Variants in RPS6KA6 observed in about 807,000 individuals in gnomAD.
The protein encoded by RPS6KA6 is ribosomal protein S6 kinase A6.
In RPS6KA6, 27 loss-of-function variants were observed where a neutral mutation model predicts 65.4. That is an observed-to-expected ratio of 0.41 (90% CI 0.30 to 0.57). The LOEUF (loss-of-function observed/expected upper bound fraction) is 0.57, where lower values mean the gene tolerates loss of function less well. Among genes scored for constraint, RPS6KA6 ranks in the 20% least tolerant of loss-of-function variants. RPS6KA6 has a pLI of 0.24. For missense variants in RPS6KA6, 486 were observed against 555.6 expected, an observed-to-expected ratio of 0.87 and a Z score of 1.26; for synonymous variants, 190 against 184.2, an observed-to-expected ratio of 1.03 and a Z score of -0.26.
At chrX:84,162,761 C>A (rs1226106347) in intron 2 of RPS6KA6, among the ~76,000 whole-genome samples, 2 of 111,735 alleles carry the variant, frequency 1.8e-5, no homozygotes, top group Non-Finnish European at 3.8e-5. Flanking sequence ...TTAATAGTTC[C>A]TTATACTCCT....
chrX:84,094,787 A>G (rs1012773642), intron 20 of RPS6KA6, among the ~76,000 whole-genome samples: 3 of 112,364 alleles, frequency 2.7e-5, no homozygotes, highest in African/African-American at 9.7e-5. Context: ...GGAACTGTCA[A>G]CAGCCTGATC....
At chrX:84,089,866 G>T (rs1330718966) in intron 20 of RPS6KA6, among the ~76,000 whole-genome samples, 2 of 112,180 alleles carry the variant, frequency 1.8e-5, no homozygotes, top group African/African-American at 6.5e-5. Flanking sequence ...CTCCATGAAA[G>T]CTGTGGACTG....
intron 2 of RPS6KA6, among the ~76,000 whole-genome samples, chrX:84,157,635 T>C (rs2035439092): frequency 9.0e-6 from 1 of 110,869 alleles, no homozygotes. Context: ...AGGGGTTTTG[T>C]TAGATGGGTC....
rs1327373785 is a variant in RPS6KA6 at position 84,156,087 on chromosome X, C to T, written c.246G>A (p.Gly82=). 5 of 1,165,793 alleles carry T rather than the reference C, an allele frequency of 4.3e-6. No homozygotes were observed. In the Admixed American group the frequency reaches 6.6e-5, roughly 15 times the overall value. Residue 82 remains glycine (G), a synonymous_variant, in exon 3 of 22, where the codon GGG becomes GGA. Coordinates refer to ENST00000262752, the MANE Select transcript of RPS6KA6 (RefSeq NM_014496.5). ...AATTATTCATTACCTTTCCAAATGA[C>T]CCCTGACCAAGAACCTTGAGCAACT... is the stretch of plus-strand genomic sequence containing the variant. ...QFELLKVLGQ[G]SFGKVFLVRK... is the part of the protein sequence containing the mutation.
chrX:84,087,742 G>C (rs1183304410), intron 20 of RPS6KA6, among the ~76,000 whole-genome samples: 2 of 111,825 alleles, frequency 1.8e-5, no homozygotes, highest in Non-Finnish European at 3.8e-5. Context: ...ATAATATCCT[G>C]AAGTGTGTTT....
intron 20 of RPS6KA6, among the ~76,000 whole-genome samples, chrX:84,093,749 G>C (rs2034095211): frequency 9.0e-6 from 1 of 111,613 alleles, no homozygotes; most frequent in Non-Finnish European, 1.9e-5. Context: ...GTTTTATTCT[G>C]CTAATTCCAT....
chrX:84,183,437 C>T (rs937048625), intron 1 of RPS6KA6, among the ~76,000 whole-genome samples: 4 of 111,420 alleles, frequency 3.6e-5, no homozygotes, highest in Non-Finnish European at 5.7e-5. Context: ...CCCCATTCCT[C>T]ACTACCGTCA....
In RPS6KA6 at chrX:84,079,127, T is replaced by C. The variant is rs184139329; in HGVS notation, c.1972-14016A>G. On this transcript the variant is annotated intron_variant, in intron 20 of 21. Coordinates refer to ENST00000262752, the MANE Select transcript of RPS6KA6 (RefSeq NM_014496.5). The stretch of plus-strand genomic sequence containing the variant: ...ACTGAGGTACCCGTAGTTGATCTCA[T>C]TGGGACTGGTTAGACAGTGGGTACA... 2.5e-3 allele frequency among the ~76,000 whole-genome samples: 279 copies of C among 110,904 alleles called. 1 individual carries two copies. Among genetic ancestry groups the C allele is most frequent in the Middle Eastern group, 9.3e-3 (2 of 215 alleles).
At chrX:84,179,028 G>T (rs187688083) in intron 1 of RPS6KA6, among the ~76,000 whole-genome samples, 62 of 111,322 alleles carry the variant, frequency 5.6e-4, no homozygotes, top group Non-Finnish European at 7.7e-4. Context: ...TCTAATAAAG[G>T]ACTTGCATTT....
At chrX:84,128,302 A>G (rs1602436749) in intron 8 of RPS6KA6, among the ~76,000 whole-genome samples, 1 of 111,821 alleles carries the variant, frequency 8.9e-6, no homozygotes, top group African/African-American at 3.2e-5. Context: ...TGATAAAAAG[A>G]AATTAAAGAC....
intron 12 of RPS6KA6, among the ~76,000 whole-genome samples, chrX:84,113,290 G>T (rs943482369): frequency 1.3e-4 from 14 of 111,455 alleles, no homozygotes; most frequent in African/African-American, 4.2e-4. Flanking sequence ...TGAGGAGTTG[G>T]GAATCCTTCC....
intron 1 of RPS6KA6, among the ~76,000 whole-genome samples, chrX:84,181,105 T>A (rs1387316051): frequency 8.9e-6 from 1 of 111,766 alleles, no homozygotes; most frequent in East Asian, 2.8e-4. Context: ...GGTTAAAAAA[T>A]TTGTATTGGG....
At chrX:84,144,320 C>G (rs1025499180) in intron 6 of RPS6KA6, among the ~76,000 whole-genome samples, 1 of 108,429 alleles carries the variant, frequency 9.2e-6, no homozygotes, top group African/African-American at 3.3e-5. Context: ...GAAGAACTCT[C>G]AAAACTCAAT....
chrX:84,187,834 G>A lies in RPS6KA6; in HGVS notation c.66C>T (p.Gly22=). 8.3e-7 allele frequency: 1 copy of A among 1,203,526 alleles called. No homozygotes were observed. The highest frequency in any genetic ancestry group is 1.1e-6 in the Non-Finnish European group (1 of 891,506). The part of the protein sequence containing the change: ...DREMEVFSGG[G]ASSGEVNGLK... Reference sequence around the variant, plus strand: ...CCACACTAACCTCGCCGCTGCTCGCGCCGCCGCCGCTGAACACTTCCATTT... The same window carrying A: ...CCACACTAACCTCGCCGCTGCTCGCACCGCCGCCGCTGAACACTTCCATTT... The change falls in exon 1 of 22, where the codon GGC becomes GGT. Residue 22 remains glycine (G), a synonymous_variant. Transcript: ENST00000262752.
chrX:84,105,732 G>T, intron 16 of RPS6KA6, 55 bp downstream of exon 16: 1 of 696,004 alleles, frequency 1.4e-6, no homozygotes, highest in Non-Finnish European at 2.2e-6. Flanking sequence ...GAAAAATAAA[G>T]TTCCAATTCA....
Position 84,135,179 on chromosome X carries a change from T to C in RPS6KA6, c.533A>G (p.Tyr178Cys), listed in dbSNP as rs777529935. 1.7e-5 allele frequency: 20 copies of C among 1,198,578 alleles called. No homozygotes were observed. The highest frequency in any genetic ancestry group is 8.9e-5 in the East Asian group (3 of 33,546). The change falls in exon 7 of 22, where the codon TAC becomes TGC. Residue 178 changes from tyrosine to cysteine, a missense_variant. Around this residue, in one of 3 missense-constraint regions of RPS6KA6, gnomAD observed 35 missense variants for 75.5 expected, o/e 0.46. Coordinates refer to ENST00000262752, the MANE Select transcript of RPS6KA6 (RefSeq NM_014496.5). ...CAAAGCAAGGGCCAGTTCTGCGAGG[T>C]AGAATTTCACATCTTCCTCTGTAAA... ...VLFTEEDVKF[Y>C]LAELALALDH...
intron 1 of RPS6KA6, among the ~76,000 whole-genome samples, chrX:84,179,227 A>G (rs950260239): frequency 9.0e-6 from 1 of 111,330 alleles, no homozygotes; most frequent in African/African-American, 3.3e-5. Context: ...CCTACACTCC[A>G]ATTAGAATAG....
intron 8 of RPS6KA6, among the ~76,000 whole-genome samples, chrX:84,122,105 T>A (rs926052067): frequency 9.0e-6 from 1 of 111,704 alleles, no homozygotes; most frequent in African/African-American, 3.3e-5. Flanking sequence ...TCACAGTACT[T>A]AGTTTTAACT....
At position 84,117,110 on chromosome X, in the gene RPS6KA6, G is replaced by C; in HGVS notation, c.899C>G (p.Ala300Gly). The stretch of plus-strand genomic sequence containing the variant: ...GAATAACATCCTTAGAAGACTTTGT[G>C]CTTCAGCACTAAGAAATTGAGGCAT... ...LGMPQFLSAEAQSLLRMLFKR... is the reference protein window; with the variant it reads ...LGMPQFLSAEGQSLLRMLFKR... Residue 300 changes from alanine (A) to glycine (G), a missense_variant, in exon 11 of 22, where the codon GCA becomes GGA. Physicochemically the swap from Ala to Gly is moderately conservative, Grantham distance 60. Around this residue, in one of 3 missense-constraint regions of RPS6KA6, gnomAD observed 345 missense variants for 375.0 expected, o/e 0.92. Coordinates refer to ENST00000262752, the MANE Select transcript of RPS6KA6 (RefSeq NM_014496.5). The C allele has an allele frequency of 8.4e-7, 1 of 1,195,574 alleles. No individual in the cohort carries two copies. The highest frequency in any genetic ancestry group is 1.9e-5 in the South Asian group (1 of 54,043).
Sources: allele counts gnomAD v4.1 joint callset (sites outside exome capture counted in the v4.1 genomes callset), GRCh38; gene constraint gnomAD v4.1.1; regional missense constraint gnomAD v4.1.1; transcripts MANE v1.5; gene names NCBI Gene and HGNC (gene_info 2026-07-23, HGNC 2026-07-21).